RABGAP1L: variants seen among roughly 807,000 people sequenced by gnomAD.
The protein encoded by RABGAP1L is RAB GTPase activating protein 1 like, also known as rab GTPase-activating protein 1-like.
A neutral mutation model predicts 137.7 loss-of-function variants in RABGAP1L; 63 were observed. The ratio of observed to expected loss-of-function variants is 0.46; its 90% CI spans 0.37 to 0.56. The LOEUF (loss-of-function observed/expected upper bound fraction) is 0.56. Among genes scored for constraint, RABGAP1L ranks in the 20% least tolerant of loss-of-function variants. The probability of loss-of-function intolerance (pLI) is 0.00; values close to 1 mark genes in which losing one functional copy is unlikely to be tolerated. For missense variants in RABGAP1L, 1,095 were observed against 1,244.0 expected, an observed-to-expected ratio of 0.88 and a Z score of 1.80; for synonymous variants, 431 against 433.7, an observed-to-expected ratio of 0.99 and a Z score of 0.08.
chr1:174,333,412 A>G (rs1256429803), intron 11 of RABGAP1L, among the ~76,000 whole-genome samples: 1 of 152,244 alleles, frequency 6.6e-6, no homozygotes, highest in Non-Finnish European at 1.5e-5. Flanking sequence ...CATACATTAA[A>G]ACATCACATT....
At chr1:174,492,076 T>C (rs1230067860) in intron 13 of RABGAP1L, among the ~76,000 whole-genome samples, 1 of 152,012 alleles carries the variant, frequency 6.6e-6, no homozygotes, top group African/African-American at 2.4e-5. Flanking sequence ...TCTTAGAAGG[T>C]GCTTTTTTGG....
chr1:174,309,943 C>T (rs1678661810), intron 11 of RABGAP1L, among the ~76,000 whole-genome samples: 1 of 152,106 alleles, frequency 6.6e-6, no homozygotes, highest in Non-Finnish European at 1.5e-5. Context: ...GGTATTAATT[C>T]ATCTTTCAGT....
At chr1:174,354,484 A>G (rs1294415604) in intron 11 of RABGAP1L, among the ~76,000 whole-genome samples, 2 of 152,118 alleles carry the variant, frequency 1.3e-5, no homozygotes, top group African/African-American at 4.8e-5. Flanking sequence ...CTCCTTTGCC[A>G]CTTCACAATT....
chr1:174,581,153 A>G (rs1218446059), intron 13 of RABGAP1L, among the ~76,000 whole-genome samples: 1 of 152,234 alleles, frequency 6.6e-6, no homozygotes. Context: ...CATATGACCC[A>G]GCAATTCTAT....
At chr1:174,895,907 G>A (rs1052923424) in intron 19 of RABGAP1L, among the ~76,000 whole-genome samples, 2 of 152,156 alleles carry the variant, frequency 1.3e-5, no homozygotes, top group African/African-American at 4.8e-5. Flanking sequence ...AAACATATGT[G>A]TGCATGTGTC....
intron 1 of RABGAP1L, among the ~76,000 whole-genome samples, chr1:174,203,377 C>A (rs996182020): frequency 6.6e-6 from 1 of 152,020 alleles, no homozygotes; most frequent in Non-Finnish European, 1.5e-5. Flanking sequence ...AGTCTTTTCC[C>A]CATTGTTTTT....
At chr1:174,748,661 A>G (rs1684075109) in intron 17 of RABGAP1L, among the ~76,000 whole-genome samples, 1 of 151,726 alleles carries the variant, frequency 6.6e-6, no homozygotes, top group Non-Finnish European at 1.5e-5. Context: ...GCTTGAGGCC[A>G]GGAGTTCAAG....
intron 19 of RABGAP1L, chr1:174,877,355 T>G: frequency 4.2e-6 from 6 of 1,416,184 alleles, no homozygotes; most frequent in Non-Finnish European, 4.8e-6. Context: ...TCTTTCTTTC[T>G]TTCTGGATTT....
chr1:174,313,731 G>T (rs2142865), intron 11 of RABGAP1L, among the ~76,000 whole-genome samples: 42,769 of 151,890 alleles, frequency 0.28, 6,576 homozygotes, highest in African/African-American at 0.39. Context: ...GAAGGGATGT[G>T]GAATTTTATC....
chr1:174,953,579 G>C (rs1414177140), intron 19 of RABGAP1L, among the ~76,000 whole-genome samples: 2 of 152,140 alleles, frequency 1.3e-5, no homozygotes, highest in African/African-American at 4.8e-5. Flanking sequence ...AGTTAATAAA[G>C]CTTCTCCAGT....
intron 13 of RABGAP1L, 85 bp from the exon 14 acceptor site, chr1:174,637,290 G>T (rs938010898): frequency 2.2e-6 from 2 of 900,222 alleles, no homozygotes. Flanking sequence ...TTTTCTTGCT[G>T]TTTGAGTTTT....
intron 12 of RABGAP1L, among the ~76,000 whole-genome samples, chr1:174,384,096 A>G (rs915865196): frequency 5.3e-5 from 8 of 152,248 alleles, no homozygotes; most frequent in Admixed American, 1.3e-4. Flanking sequence ...CTACTGAGCA[A>G]TTAAAAGAAT....
At chr1:174,182,747 T>TCC (rs536602505) in intron 1 of RABGAP1L, among the ~76,000 whole-genome samples, 3 of 152,112 alleles carry the variant, frequency 2.0e-5, no homozygotes, top group African/African-American at 7.2e-5. Flanking sequence ...GACTTTTACT[T>TCC]CCCCCCGTAA....
intron 11 of RABGAP1L, among the ~76,000 whole-genome samples, chr1:174,358,354 G>A (rs879306829): frequency 2.0e-5 from 3 of 152,192 alleles, no homozygotes; most frequent in African/African-American, 4.8e-5. Context: ...GTTCTGAGTC[G>A]TTGCTACAAC....
chr1:174,870,109 A>G (rs1254493826), intron 19 of RABGAP1L, among the ~76,000 whole-genome samples: 1 of 152,244 alleles, frequency 6.6e-6, no homozygotes, highest in African/African-American at 2.4e-5. Flanking sequence ...AATGGAAGCT[A>G]GAAAGGCAGG....
chr1:174,438,744 G>GTATATA (rs71117563), intron 13 of RABGAP1L, among the ~76,000 whole-genome samples: 6,676 of 95,108 alleles, frequency 0.07, 393 homozygotes, highest in East Asian at 0.24. Flanking sequence ...GTGTGTGTGT[G>GTATATA]TATATATATA....
intron 15 of RABGAP1L, among the ~76,000 whole-genome samples, chr1:174,696,368 C>G (rs922883587): frequency 6.6e-6 from 1 of 151,982 alleles, no homozygotes; most frequent in South Asian, 2.1e-4. Flanking sequence ...TAAGTATAGC[C>G]ACTCTTACTT....
chr1:174,920,065 TAGAGA>T (rs1661549772), intron 19 of RABGAP1L, among the ~76,000 whole-genome samples: 1 of 152,188 alleles, frequency 6.6e-6, no homozygotes, highest in Non-Finnish European at 1.5e-5. Context: ...AACCAAGGCT[TAGAGA>T]AGTTAAGCAT....
chr1:174,485,227 T>C (rs557627077), intron 13 of RABGAP1L, among the ~76,000 whole-genome samples: 1 of 152,364 alleles, frequency 6.6e-6, no homozygotes, highest in East Asian at 1.9e-4. Flanking sequence ...TTATCAGTTC[T>C]AATAGTTTTT....
Sources: gnomAD v4.1 joint callset for allele counts (sites outside exome capture counted in the v4.1 genomes callset) on GRCh38, gnomAD v4.1.1 for gene constraint, MANE v1.5 for transcripts, NCBI Gene and HGNC (gene_info 2026-07-23, HGNC 2026-07-21) for gene names.